AP4S1: variants seen among roughly 807,000 people sequenced by gnomAD.
AP4S1 encodes the protein adaptor related protein complex 4 subunit sigma 1, also known as AP-4 complex subunit sigma-1.
AP4S1 carries 23 observed loss-of-function variants against 19.8 expected under a neutral mutation model. The ratio of observed to expected loss-of-function variants is 1.16; its 90% CI spans 0.84 to 1.65. AP4S1 has a LOEUF of 1.65. Among genes scored for constraint, AP4S1 ranks in the 40% most tolerant of loss-of-function variants. The probability of loss-of-function intolerance (pLI) is 0.00; values close to 1 mark genes in which losing one functional copy is unlikely to be tolerated. For missense variants in AP4S1, 166 were observed against 172.8 expected (o/e 0.96, Z 0.22); for synonymous variants, 46 against 54.1 (o/e 0.85, Z 0.66).
At chr14:31,029,930 A>C (rs1177488624) in intron 1 of AP4S1, among the ~76,000 whole-genome samples, 1 of 149,600 alleles carries the variant, frequency 6.7e-6, no homozygotes, top group Non-Finnish European at 1.5e-5. Context: ...TTGACTCACT[A>C]TTCTATTGTA....
chr14:31,070,883 T>C (rs1886962526), intron 3 of AP4S1, among the ~76,000 whole-genome samples: 1 of 152,078 alleles, frequency 6.6e-6, no homozygotes, highest in African/African-American at 2.4e-5. Flanking sequence ...AAACCCCGTC[T>C]CTACTAAAAA....
At chr14:31,060,035 A>C (rs1022833593) in intron 1 of AP4S1, among the ~76,000 whole-genome samples, 2 of 122,274 alleles carry the variant, frequency 1.6e-5, no homozygotes, top group Non-Finnish European at 3.5e-5. Flanking sequence ...ATTTATGTAT[A>C]TATGTATATA....
intron 3 of AP4S1, among the ~76,000 whole-genome samples, chr14:31,071,632 A>T (rs949960761): frequency 6.6e-6 from 1 of 152,016 alleles, no homozygotes; most frequent in Non-Finnish European, 1.5e-5. Flanking sequence ...TTTGGCCAGG[A>T]TGGTCTCGAT....
At chr14:31,048,880 C>A (rs538752712) in intron 1 of AP4S1, among the ~76,000 whole-genome samples, 2 of 152,284 alleles carry the variant, frequency 1.3e-5, no homozygotes, top group South Asian at 4.1e-4. Flanking sequence ...CCAGCCAGAT[C>A]CATGACCAAA....
chr14:31,030,073 C>T (rs1257834456), intron 1 of AP4S1, among the ~76,000 whole-genome samples: 2 of 151,950 alleles, frequency 1.3e-5, no homozygotes, highest in Non-Finnish European at 2.9e-5. Flanking sequence ...TTCAGCCTCC[C>T]CAGCTCAAGC....
intron 5 of AP4S1, chr14:31,086,314 C>G (rs17097714): frequency 6.6e-6 from 1 of 152,174 alleles, no homozygotes; most frequent in African/African-American, 2.4e-5. Flanking sequence ...TGCATGTTCT[C>G]TCAGAAAGTT....
chr14:31,035,477 A>C (rs536328731), intron 1 of AP4S1, among the ~76,000 whole-genome samples: 63 of 151,810 alleles, frequency 4.1e-4, no homozygotes, highest in South Asian at 1.5e-3. Context: ...AGGTGTAAGC[A>C]ACCACGCCCA....
Position 31,080,567 on chromosome 14 carries a change from T to G in AP4S1, c.295-6T>G, listed in dbSNP as rs778387801. On this transcript the variant is annotated splice_region_variant and splice_polypyrimidine_tract_variant and intron_variant, in intron 4 of 5. Coordinates refer to ENST00000542754, the MANE Select transcript of AP4S1 (RefSeq NM_001128126.3). ...CTAACCCTTGCACTCTTTTTCTGTC[T>G]TCCAGAGTGAATTAGATGTATCCTT... The G allele has an allele frequency of 6.2e-7, 1 of 1,610,756 alleles. No homozygotes were observed. Among genetic ancestry groups the G allele is most frequent in the South Asian group, 1.1e-5 (1 of 90,988 alleles).
intron 1 of AP4S1, among the ~76,000 whole-genome samples, chr14:31,056,387 T>C (rs1041140540): frequency 1.1e-4 from 16 of 151,362 alleles, no homozygotes; most frequent in Non-Finnish European, 2.2e-4. Flanking sequence ...AGATGGAGTC[T>C]CACTCTTGTC....
intron 1 of AP4S1, among the ~76,000 whole-genome samples, chr14:31,059,890 T>C (rs1378845713): frequency 1.3e-5 from 2 of 151,060 alleles, no homozygotes; most frequent in Admixed American, 1.3e-4. Flanking sequence ...ACCTGTCTGA[T>C]AGGGCTTAGG....
rs147316781 is a variant in AP4S1, at chr14:31,077,018, G to A, written c.295-3555G>A. On this transcript the variant is annotated intron_variant, in intron 4 of 5. Transcript: ENST00000542754. ...GTGATCTCGGCTCACTGCAACCTCC[G>A]TCCCGGGTTCAAGCGATTCTCATGC... Among the ~76,000 whole-genome samples, 37 of 152,072 alleles carry A rather than the reference G, an allele frequency of 2.4e-4. No homozygotes were observed. The East Asian group carries it at 4.3e-3, about 17-fold the overall frequency.
intron 1 of AP4S1, among the ~76,000 whole-genome samples, chr14:31,031,632 T>TCATGATTCCTG (rs1429736430): frequency 6.6e-6 from 1 of 152,208 alleles, no homozygotes; most frequent in Non-Finnish European, 1.5e-5. Flanking sequence ...GTGCTTTGGT[T>TCATGATTCCTG]CATGATTCCT....
chr14:31,083,494 C>CTTTT (rs1566545603), intron 5 of AP4S1: 15 of 276,078 alleles, frequency 5.4e-5, no homozygotes, highest in African/African-American at 7.6e-5. Context: ...TCTGTTGACA[C>CTTTT]TCTTTTTTTT....
In AP4S1 at chr14:31,054,930, G is replaced by A. The variant is rs74835282; in HGVS notation, c.-71-11196G>A. On this transcript the variant is annotated intron_variant, in intron 1 of 5. Transcript: ENST00000542754. ...GGTCATACTGATAGTATGTGCCTTT[G>A]ACATGATATGATGCAAATGGCACTT... Among the ~76,000 whole-genome samples the A allele has an allele frequency of 3.1e-3, 422 of 136,704 alleles. 1 individual carries two copies. The highest frequency in any genetic ancestry group is 0.011 in the African/African-American group (397 of 37,110). The allele number at this position is 136,704 out of a possible 152,430, so 89.7% of individuals were successfully genotyped here.
chr14:31,039,578 T>TG (rs35297601), intron 1 of AP4S1, among the ~76,000 whole-genome samples: 16,260 of 147,740 alleles, frequency 0.11, 1,280 homozygotes, highest in Non-Finnish European at 0.16. Context: ...TTTTGTTTTT[T>TG]TTTTTTTTTT....
chr14:31,069,139 T>C (rs1265791684), intron 2 of AP4S1, among the ~76,000 whole-genome samples: 1 of 152,054 alleles, frequency 6.6e-6, no homozygotes, highest in South Asian at 2.1e-4. Context: ...TTCTGCCCAC[T>C]CTCCACCTCC....
chr14:31,090,144 A>G (rs1888038603), intron 5 of AP4S1, among the ~76,000 whole-genome samples: 1 of 151,938 alleles, frequency 6.6e-6, no homozygotes, highest in Non-Finnish European at 1.5e-5. Context: ...GTGTGCCACC[A>G]TGCCCAGCTA....
At chr14:31,053,575 T>G (rs1023646417) in intron 1 of AP4S1, among the ~76,000 whole-genome samples, 4 of 150,638 alleles carry the variant, frequency 2.7e-5, no homozygotes, top group Admixed American at 2.0e-4. Flanking sequence ...ACACATCTTT[T>G]TAGTGACTTT....
At chr14:31,051,754 G>A (rs556659306) in intron 1 of AP4S1, among the ~76,000 whole-genome samples, 1 of 152,184 alleles carries the variant, frequency 6.6e-6, no homozygotes, top group South Asian at 2.1e-4. Flanking sequence ...TCCCCCTCCC[G>A]GGTTCAGGCA....
Sources: gnomAD v4.1 joint callset for allele counts (sites outside exome capture counted in the v4.1 genomes callset) on GRCh38, gnomAD v4.1.1 for gene constraint, MANE v1.5 for transcripts, NCBI Gene and HGNC (gene_info 2026-07-23, HGNC 2026-07-21) for gene names.